The following PDE4D variants were observed in gnomAD, a reference collection of about 807,000 sequenced individuals.
PDE4D encodes the protein phosphodiesterase 4D, also known as 3',5'-cyclic-AMP phosphodiesterase 4D.
In PDE4D, 24 loss-of-function variants were observed where a neutral mutation model predicts 87.4. That is an observed-to-expected ratio of 0.27 (90% confidence interval 0.20 to 0.39). The LOEUF (loss-of-function observed/expected upper bound fraction) is 0.39, where lower values mean the gene tolerates loss of function less well. Ranked by LOEUF, PDE4D falls within the 10% of genes least tolerant of loss-of-function variation. The pLI is 1.00. For synonymous variants in PDE4D, 384 were observed against 383.2 expected (o/e 1.00, Z -0.02); for missense variants, 714 against 1,041.0 (o/e 0.69, Z 4.32).
At chr5:59,497,640 GA>G (rs777059840) in intron 1 of PDE4D, among the ~76,000 whole-genome samples, 4 of 151,726 alleles carry the variant, frequency 2.6e-5, no homozygotes, top group Admixed American at 6.6e-5. Flanking sequence ...CAAAAATAAA[GA>G]AAAAAATAAT....
At chr5:60,115,775 T>A (rs1778119774) in intron 2 of PDE4D, among the ~76,000 whole-genome samples, 2 of 152,140 alleles carry the variant, frequency 1.3e-5, no homozygotes, top group African/African-American at 4.8e-5. Context: ...TTCCATTGTA[T>A]TATAATACCA....
intron 6 of PDE4D, among the ~76,000 whole-genome samples, chr5:59,025,851 T>C (rs973399632): frequency 2.6e-5 from 4 of 152,188 alleles, no homozygotes; most frequent in Non-Finnish European, 5.9e-5. Context: ...TACTTTCTAC[T>C]CTCCAGACCT....
chr5:59,111,730 T>C (rs191682418), intron 5 of PDE4D, among the ~76,000 whole-genome samples: 2 of 152,302 alleles, frequency 1.3e-5, no homozygotes, highest in African/African-American at 4.8e-5. Flanking sequence ...ATGTTCCTTA[T>C]CTTCTGAGTG....
chr5:60,302,517 C>T (rs1023940708), intron 1 of PDE4D, among the ~76,000 whole-genome samples: 3 of 151,756 alleles, frequency 2.0e-5, no homozygotes, highest in Non-Finnish European at 4.4e-5. Context: ...TGGTGATATC[C>T]CCCTTATCAT....
intron 1 of PDE4D, among the ~76,000 whole-genome samples, chr5:59,811,994 GAA>G (rs1182658958): frequency 6.6e-6 from 1 of 152,202 alleles, no homozygotes; most frequent in Admixed American, 6.5e-5. Flanking sequence ...CTAGCGCGAG[GAA>G]AGTGACTGAG....
At chr5:59,315,556 CA>C (rs1773543839) in intron 1 of PDE4D, among the ~76,000 whole-genome samples, 1 of 152,048 alleles carries the variant, frequency 6.6e-6, no homozygotes, top group South Asian at 2.1e-4. Context: ...AAATGACTGT[CA>C]TTGTGACTGT....
intron 1 of PDE4D, among the ~76,000 whole-genome samples, chr5:59,831,326 CA>C (rs35043596): frequency 0.3 from 27,721 of 90,970 alleles, 2,454 homozygotes; most frequent in East Asian, 0.48. Context: ...AAATTATTCT[CA>C]AAAAAAAAAA....
At chr5:59,578,300 A>G (rs1266187097) in intron 1 of PDE4D, among the ~76,000 whole-genome samples, 1 of 152,194 alleles carries the variant, frequency 6.6e-6, no homozygotes, top group African/African-American at 2.4e-5. Flanking sequence ...TAATATGTTC[A>G]TAAAACAGTT....
At chr5:59,121,804 T>C (rs1774547332) in intron 5 of PDE4D, among the ~76,000 whole-genome samples, 1 of 152,116 alleles carries the variant, frequency 6.6e-6, no homozygotes, top group Admixed American at 6.5e-5. Context: ...ATAGCAAAGA[T>C]GGAGAATCAA....
chr5:60,325,285 C>T (rs1377201276), intron 1 of PDE4D, among the ~76,000 whole-genome samples: 2 of 152,246 alleles, frequency 1.3e-5, no homozygotes, highest in African/African-American at 4.8e-5. Flanking sequence ...GGGAAAATAA[C>T]CTCAACCAAC....
chr5:59,238,662 T>C (rs187909070), intron 1 of PDE4D, among the ~76,000 whole-genome samples: 166 of 152,242 alleles, frequency 1.1e-3, no homozygotes, highest in Admixed American at 2.7e-3. Context: ...AAATGGTTCC[T>C]CTGAGTCATA....
chr5:59,704,805 A>G (rs779396399), intron 1 of PDE4D, among the ~76,000 whole-genome samples: 3 of 152,224 alleles, frequency 2.0e-5, no homozygotes, highest in Non-Finnish European at 2.9e-5. Context: ...ACTAAGAGAC[A>G]ATGTAGACAT....
intron 2 of PDE4D, among the ~76,000 whole-genome samples, chr5:60,045,121 G>A (rs1168470889): frequency 9.9e-5 from 15 of 152,158 alleles, no homozygotes; most frequent in East Asian, 7.7e-4. Context: ...GCCAGTGATG[G>A]TGAGCATTTT....
At chr5:59,509,502 T>A (rs1280614019) in intron 1 of PDE4D, among the ~76,000 whole-genome samples, 1 of 150,600 alleles carries the variant, frequency 6.6e-6, no homozygotes, top group East Asian at 1.9e-4. Flanking sequence ...ACTACAACTA[T>A]AATAATAATG....
At chr5:59,408,663 C>T (rs1300488617) in intron 1 of PDE4D, among the ~76,000 whole-genome samples, 1 of 152,174 alleles carries the variant, frequency 6.6e-6, no homozygotes. Flanking sequence ...GGAGGCTTCA[C>T]CTTGCAAAAG....
At chr5:59,364,324 C>T (rs769176880) in intron 1 of PDE4D, among the ~76,000 whole-genome samples, 46 of 152,068 alleles carry the variant, frequency 3.0e-4, no homozygotes, top group Non-Finnish European at 5.1e-4. Flanking sequence ...AATAATGGGG[C>T]CTTGATGAAA....
rs16877736 is a variant in PDE4D, at chr5:60,185,279, C to T, written c.42+278G>A. ...CTTTTAATCATATATTTTCTGCATGCACTCAAAAATTAGAGTGTTCAACAT... is the reference window on the plus strand; with the variant it reads ...CTTTTAATCATATATTTTCTGCATGTACTCAAAAATTAGAGTGTTCAACAT... On this transcript the variant is annotated intron_variant, in intron 2 of 16. Coordinates refer to the PDE4D transcript ENST00000502484. Among the ~76,000 whole-genome samples, 1,112 of 152,208 alleles carry T rather than the reference C, an allele frequency of 7.3e-3. 12 individuals carry two copies. The highest frequency in any genetic ancestry group is 0.026 in the African/African-American group (1,060 of 41,536).
intron 1 of PDE4D, among the ~76,000 whole-genome samples, chr5:59,675,213 A>G (rs2150343989): frequency 6.6e-6 from 1 of 152,274 alleles, no homozygotes; most frequent in Non-Finnish European, 1.5e-5. Context: ...AACGTCTCAG[A>G]ATACTACTAC....
At chr5:59,595,306 T>C (rs372804133) in intron 1 of PDE4D, among the ~76,000 whole-genome samples, 2 of 152,200 alleles carry the variant, frequency 1.3e-5, no homozygotes, top group African/African-American at 4.8e-5. Flanking sequence ...TTAAAGTTTC[T>C]TTTTAAAGAG....
Sources: allele counts gnomAD v4.1 joint callset (sites outside exome capture counted in the v4.1 genomes callset), GRCh38; gene constraint gnomAD v4.1.1; transcripts MANE v1.5; gene names NCBI Gene and HGNC (gene_info 2026-07-23, HGNC 2026-07-21).